Variants in ISL1 observed in about 807,000 individuals in gnomAD.
The protein encoded by ISL1 is ISL LIM homeobox 1.
Under a neutral mutation model 35.3 loss-of-function variants are expected in ISL1, and 4 were observed. That is an observed-to-expected ratio of 0.11 (90% CI 0.06 to 0.26). The LOEUF (loss-of-function observed/expected upper bound fraction) is 0.26, where lower values mean the gene tolerates loss of function less well. ISL1 is among the 10% of genes least tolerant of loss of function. The pLI, the probability that ISL1 is intolerant of heterozygous loss-of-function variation, is 1.00. For missense variants in ISL1, 340 were observed against 472.8 expected, an observed-to-expected ratio of 0.72 and a Z score of 2.60; for synonymous variants, 186 against 172.3, an observed-to-expected ratio of 1.08 and a Z score of -0.62.
chr5:51,389,955 A>G lies in ISL1; in HGVS notation c.765+23A>G, dbSNP rs200160621. On this transcript the variant is annotated intron_variant, in intron 4 of 5. Coordinates refer to ENST00000230658, the MANE Select transcript of ISL1 (RefSeq NM_002202.3). This position sits in a 1 kb window ranked among gnomAD's most constrained non-coding sequence, Gnocchi z 5.0. Reference sequence around the variant, plus strand: ...ACTGTGAGTGGCTCTGGGGCCGGGCAGGGAATGCGAGGGGGAAGGAGACGC... The same window carrying G: ...ACTGTGAGTGGCTCTGGGGCCGGGCGGGGAATGCGAGGGGGAAGGAGACGC... 19 of 1,610,522 alleles carry G rather than the reference A, an allele frequency of 1.2e-5. No individual in the cohort carries two copies. In the African/African-American group the frequency reaches 2.1e-4, roughly 18 times the overall value.
Position 51,394,592 on chromosome 5 carries a change from G to A in ISL1, c.*982G>A, listed in dbSNP as rs547119591. The A allele has an allele frequency of 5.9e-5, 9 of 152,196 alleles. No individual in the cohort carries two copies. Among genetic ancestry groups the A allele is most frequent in the East Asian group, 1.9e-4 (1 of 5,176 alleles). The allele number at this position is 152,196 out of a possible 1,614,324, so 9.4% of individuals were successfully genotyped here. On this transcript the variant is annotated 3_prime_UTR_variant, in exon 6 of 6. Coordinates refer to ENST00000230658, the MANE Select transcript of ISL1 (RefSeq NM_002202.3). ...TGAAAAAAAAAGATAAAGGTTGTAC[G>A]GTGGTCTTTGAATTATATGTCTAAT...
At chr5:51,392,826 T>C (rs1191211450) in intron 5 of ISL1, among the ~76,000 whole-genome samples, 1 of 151,954 alleles carries the variant, frequency 6.6e-6, no homozygotes, top group Non-Finnish European at 1.5e-5. Context: ...GCGTTTAGGG[T>C]TAAAAGAAGG....
Position 51,384,671 on chromosome 5 carries a change from C to G in ISL1, c.159C>G (p.Asp53Glu). The G allele has an allele frequency of 6.2e-7, 1 of 1,614,060 alleles. No individual in the cohort carries two copies. The highest frequency in any genetic ancestry group is 8.5e-7 in the Non-Finnish European group (1 of 1,179,992). ...GTGCGGAGTGTAATCAGTATTTGGA[C>G]GAGAGCTGTACATGCTTTGTTAGGG... ...LKCAECNQYL[D>E]ESCTCFVRDG... The change falls in exon 2 of 6, where the codon GAC (aspartate) becomes GAG (glutamate). Residue 53 changes from aspartate to glutamate, a missense_variant. Around this residue, in one of 7 missense-constraint regions of ISL1, gnomAD observed 70 missense variants for 130.3 expected, o/e 0.54. Coordinates refer to ENST00000230658, the MANE Select transcript of ISL1 (RefSeq NM_002202.3).
Position 51,391,409 on chromosome 5 carries a change from A to G in ISL1, c.901A>G (p.Ser301Gly). 2 of 1,614,174 alleles carry G rather than the reference A, an allele frequency of 1.2e-6. No individual in the cohort carries two copies. Residue 301 changes from serine (S) to glycine (G), a missense_variant, in exon 5 of 6, where the codon AGT becomes GGT. Physicochemically the swap from Ser to Gly is moderately conservative, Grantham distance 56 (BLOSUM62 0). Transcript: ENST00000230658. ...WKVLSDFALQ[S>G]DIDQPAFQQL... ...AGTACTGAGCGACTTCGCCTTGCAGAGTGACATAGATCAGCCTGCTTTTCA... is the reference window on the plus strand; with the variant it reads ...AGTACTGAGCGACTTCGCCTTGCAGGGTGACATAGATCAGCCTGCTTTTCA...
In ISL1 at chr5:51,393,478, T is replaced by C; in HGVS notation, c.934-16T>C. 2 of 1,437,500 alleles carry C rather than the reference T, an allele frequency of 1.4e-6. No homozygotes were observed. 89.0% of individuals were successfully genotyped at this position (1,437,500 alleles called of 1,614,324 possible). A position where few individuals can be genotyped will look rare whatever the true frequency, so the allele number is the denominator to read the frequency against. On this transcript the variant is annotated splice_polypyrimidine_tract_variant and intron_variant, in intron 5 of 5. Coordinates refer to ENST00000230658, the MANE Select transcript of ISL1 (RefSeq NM_002202.3). The stretch of plus-strand genomic sequence containing the variant: ...TATTCCAGTGTCCTTTATTTATTTC[T>C]CAACCTTCTATGCAGGTCAATTTTT...
In ISL1 at chr5:51,383,646, T is replaced by G. The variant is rs1747266818; in HGVS notation, c.-26T>G. ...ACCAACTGTACAACCACCATTTCAC[T>G]GTGGACATTACTCCCTCTTACAGAT... On this transcript the variant is annotated 5_prime_UTR_variant, in exon 1 of 6. Coordinates refer to ENST00000230658, the MANE Select transcript of ISL1 (RefSeq NM_002202.3). 2 of 1,590,540 alleles carry G rather than the reference T, an allele frequency of 1.3e-6. No homozygotes were observed. Among genetic ancestry groups the G allele is most frequent in the Admixed American group, 1.7e-5 (1 of 59,984 alleles).
Position 51,387,477 on chromosome 5 carries a change from C to T in ISL1, c.219-13C>T, listed in dbSNP as rs759170979. 1.2e-6 allele frequency: 2 copies of T among 1,613,824 alleles called. No homozygotes were observed. Among genetic ancestry groups the T allele is most frequent in the South Asian group, 1.1e-5 (1 of 90,986 alleles). ...CGCTCTGGGCCGCCTCCGCTCCCCCCTCCCCCGCACAGGTTGTACGGGATC... is the reference window on the plus strand; with the variant it reads ...CGCTCTGGGCCGCCTCCGCTCCCCCTTCCCCCGCACAGGTTGTACGGGATC... On this transcript the variant is annotated splice_polypyrimidine_tract_variant and intron_variant, in intron 2 of 5. Coordinates refer to ENST00000230658, the MANE Select transcript of ISL1 (RefSeq NM_002202.3). This position sits in a 1 kb window ranked among gnomAD's most constrained non-coding sequence, Gnocchi z 4.3.
chr5:51,387,248 G>A lies in ISL1; in HGVS notation c.219-242G>A, dbSNP rs903305783. The stretch of plus-strand genomic sequence containing the variant: ...GAGGTTCATCGGAAAGGAAACGGGA[G>A]TAAAAGAAAGGGAGGAGGGAGGGAG... On this transcript the variant is annotated intron_variant, in intron 2 of 5. Coordinates refer to ENST00000230658, the MANE Select transcript of ISL1 (RefSeq NM_002202.3). This position sits in a 1 kb window ranked among gnomAD's most constrained non-coding sequence, Gnocchi z 4.3. Among the ~76,000 whole-genome samples, 2 of 152,136 alleles carry A rather than the reference G, an allele frequency of 1.3e-5. No individual in the cohort carries two copies. The highest frequency in any genetic ancestry group is 6.5e-5 in the Admixed American group (1 of 15,276).
chr5:51,390,421 G>A (rs1288816592), intron 4 of ISL1, among the ~76,000 whole-genome samples: 1 of 152,050 alleles, frequency 6.6e-6, no homozygotes, highest in Admixed American at 6.5e-5. Context: ...TTCTAAGTAA[G>A]GTCGGCCGCT....
At position 51,394,114 on chromosome 5, in the gene ISL1, T is replaced by A. The variant is rs540354997; in HGVS notation, c.*504T>A. On this transcript the variant is annotated 3_prime_UTR_variant, in exon 6 of 6. Coordinates refer to ENST00000230658, the MANE Select transcript of ISL1 (RefSeq NM_002202.3). ...TCCTTTCAGGAAGGTGGAGCTGCAT[T>A]GGTTTGATATGTTTAAAGTTGACTT... The A allele has an allele frequency of 3.1e-4, 56 of 178,282 alleles. No homozygotes were observed. In the South Asian group the frequency reaches 6.3e-3, roughly 20 times the overall value. 11.0% of individuals were successfully genotyped at this position (178,282 alleles called of 1,614,324 possible). A position where few individuals can be genotyped will look rare whatever the true frequency, so the allele number is the denominator to read the frequency against.
rs1259161658 is a variant in ISL1 at position 51,387,907 on chromosome 5, G to T, written c.478+158G>T. On this transcript the variant is annotated intron_variant, in intron 3 of 5. Transcript: ENST00000230658. This position sits in a 1 kb window ranked among gnomAD's most constrained non-coding sequence, Gnocchi z 4.3. ...AATTTGCGCTGTGCTCTGCTCCTTTGCAGCAAGGTTCAATGCACTCACTGT... is the reference window on the plus strand; with the variant it reads ...AATTTGCGCTGTGCTCTGCTCCTTTTCAGCAAGGTTCAATGCACTCACTGT... Among the ~76,000 whole-genome samples, 1 of 152,256 alleles carries T rather than the reference G, an allele frequency of 6.6e-6. No homozygotes were observed. Among genetic ancestry groups the T allele is most frequent in the East Asian group, 1.9e-4 (1 of 5,188 alleles).
chr5:51,391,891 G>T (rs1336264390), intron 5 of ISL1, among the ~76,000 whole-genome samples: 1 of 152,166 alleles, frequency 6.6e-6, no homozygotes, highest in Non-Finnish European at 1.5e-5. Context: ...CAAGGCGATT[G>T]TAGTATATAA....
At chr5:51,384,257 A>C (rs1239137117) in intron 1 of ISL1, among the ~76,000 whole-genome samples, 2 of 150,360 alleles carry the variant, frequency 1.3e-5, no homozygotes, top group Non-Finnish European at 3.0e-5. Context: ...GGGGGGGAGA[A>C]ATACAAAATG....
rs1273919502 is a variant in ISL1 at position 51,387,638 on chromosome 5, C to T, written c.367C>T (p.Arg123Trp). The T allele has an allele frequency of 2.2e-5, 36 of 1,614,078 alleles. No individual in the cohort carries two copies. Among genetic ancestry groups the T allele is most frequent in the Non-Finnish European group, 2.9e-5 (34 of 1,180,052 alleles). ...QLIPGDEFAL[R>W]EDGLFCRADH... ...CATCCCTGGGGACGAATTTGCGCTT[C>T]GGGAGGACGGTCTCTTCTGCCGAGC... The change falls in exon 3 of 6, where the codon CGG (arginine) becomes TGG (tryptophan). Residue 123 changes from arginine to tryptophan, a missense_variant. Physicochemically the swap from Arg to Trp is moderately radical, Grantham distance 101. Around this residue, in one of 7 missense-constraint regions of ISL1, gnomAD observed 94 missense variants for 102.1 expected, o/e 0.92. Transcript: ENST00000230658. The surrounding 1 kb of genome is among the most constrained non-coding windows in gnomAD (Gnocchi z 4.3).
At chr5:51,391,607 A>G in intron 5 of ISL1, 166 bp downstream of exon 5, 1 of 725,606 alleles carries the variant, frequency 1.4e-6, no homozygotes, top group Non-Finnish European at 2.4e-6. Context: ...TGCAGGGAAA[A>G]CGAACCTCTT....
intron 2 of ISL1, among the ~76,000 whole-genome samples, chr5:51,385,576 T>A (rs1290869555): frequency 4.9e-3 from 8 of 1,644 alleles, no homozygotes; most frequent in Admixed American, 0.031. Flanking sequence ...TTTTGGAGAG[T>A]TTTTGTTTTT....
In ISL1 at chr5:51,387,637, T is replaced by A. The variant is rs1195421531; in HGVS notation, c.366T>A (p.Leu122=). Residue 122 remains leucine, a synonymous_variant, in exon 3 of 6, where the codon CTT becomes CTA. Transcript: ENST00000230658. The surrounding 1 kb of genome is among the most constrained non-coding windows in gnomAD (Gnocchi z 4.3). ...TCATCCCTGGGGACGAATTTGCGCT[T>A]CGGGAGGACGGTCTCTTCTGCCGAG... ...RQLIPGDEFA[L]REDGLFCRAD... The A allele has an allele frequency of 6.2e-7, 1 of 1,614,224 alleles. No homozygotes were observed. The highest frequency in any genetic ancestry group is 1.7e-5 in the Admixed American group (1 of 60,028).
rs1017139557 is a variant in ISL1, at chr5:51,393,743, C to T, written c.*133C>T. ...AGAAATGAATGCTCCATGAAATGCA[C>T]GAAGTCTGTTTTAATGACAAGGTGA... On this transcript the variant is annotated 3_prime_UTR_variant, in exon 6 of 6. Transcript: ENST00000230658. 4.4e-5 allele frequency: 32 copies of T among 725,444 alleles called. No individual in the cohort carries two copies. Among genetic ancestry groups the T allele is most frequent in the Admixed American group, 5.6e-5 (3 of 53,148 alleles). 44.9% of individuals were successfully genotyped at this position (725,444 alleles called of 1,614,324 possible).
intron 4 of ISL1, among the ~76,000 whole-genome samples, chr5:51,390,863 GA>G (rs1747497278): frequency 6.6e-6 from 1 of 151,070 alleles, no homozygotes; most frequent in Non-Finnish European, 1.5e-5. Context: ...GAACGGCTTG[GA>G]AAAAATCTGC....
Sources: allele counts gnomAD v4.1 joint callset (sites outside exome capture counted in the v4.1 genomes callset), GRCh38; gene constraint gnomAD v4.1.1; regional missense constraint gnomAD v4.1.1; non-coding constraint Gnocchi (gnomAD v3.1); transcripts MANE v1.5; gene names NCBI Gene and HGNC (gene_info 2026-07-23, HGNC 2026-07-21).